The following FNDC3B variants were observed in gnomAD, a reference collection of about 807,000 sequenced individuals.
The protein encoded by FNDC3B is fibronectin type III domain-containing protein 3B.
A neutral mutation model predicts 151.5 loss-of-function variants in FNDC3B; 12 were observed. That is an observed-to-expected ratio of 0.08 (90% CI 0.05 to 0.13). FNDC3B has a LOEUF of 0.13. Ranked by LOEUF, FNDC3B falls within the 10% of genes least tolerant of loss-of-function variation. The pLI, the probability that FNDC3B is intolerant of heterozygous loss-of-function variation, is 1.00. For synonymous variants in FNDC3B, 528 were observed against 549.0 expected, an observed-to-expected ratio of 0.96 and a Z score of 0.54; for missense variants, 1,214 against 1,505.3, an observed-to-expected ratio of 0.81 and a Z score of 3.20.
rs555932249 is a variant in FNDC3B, at chr3:172,046,576, G to C, written c.-29+6805G>C. Among the ~76,000 whole-genome samples the C allele has an allele frequency of 3.9e-5, 6 of 152,088 alleles. No homozygotes were observed. In the East Asian group the frequency reaches 9.7e-4, roughly 24 times the overall value. ...GGCTTGAAGCAATCCCCCCGCTTCAGCCTCCCAAAATGTTGGGATTATAGG... is the reference window on the plus strand; with the variant it reads ...GGCTTGAAGCAATCCCCCCGCTTCACCCTCCCAAAATGTTGGGATTATAGG... On this transcript the variant is annotated intron_variant, in intron 1 of 25. Coordinates refer to ENST00000415807, the MANE Select transcript of FNDC3B (RefSeq NM_022763.4).
chr3:172,183,055 T>C (rs766997677), intron 3 of FNDC3B, among the ~76,000 whole-genome samples: 2 of 152,206 alleles, frequency 1.3e-5, no homozygotes, highest in African/African-American at 2.4e-5. Flanking sequence ...TTTCTAAAAA[T>C]AAGAAATAAG....
intron 25 of FNDC3B, among the ~76,000 whole-genome samples, chr3:172,396,365 G>A (rs1165090051): frequency 1.3e-5 from 2 of 152,098 alleles, no homozygotes; most frequent in East Asian, 1.9e-4. Flanking sequence ...GAGGGGATGC[G>A]TTTGTAATGT....
intron 24 of FNDC3B, among the ~76,000 whole-genome samples, chr3:172,379,242 G>T (rs1461050502): frequency 4.6e-5 from 7 of 152,238 alleles, no homozygotes; most frequent in Non-Finnish European, 1.0e-4. Context: ...TGTGGTTCTT[G>T]TGGAGGTCCC....
At chr3:172,063,352 C>A (rs956266301) in intron 1 of FNDC3B, among the ~76,000 whole-genome samples, 2 of 152,190 alleles carry the variant, frequency 1.3e-5, no homozygotes, top group African/African-American at 4.8e-5. Context: ...TACCCATTCT[C>A]CTCCCAACAG....
At chr3:172,223,398 T>C (rs1726388908) in intron 3 of FNDC3B, among the ~76,000 whole-genome samples, 1 of 152,250 alleles carries the variant, frequency 6.6e-6, no homozygotes, top group African/African-American at 2.4e-5. Flanking sequence ...TGAAATAGTT[T>C]TGATGACAGT....
At chr3:172,178,510 T>C (rs943857142) in intron 3 of FNDC3B, among the ~76,000 whole-genome samples, 1 of 152,226 alleles carries the variant, frequency 6.6e-6, no homozygotes, top group Non-Finnish European at 1.5e-5. Context: ...TTATGCTTTT[T>C]CTTTCCATAT....
chr3:172,326,693 G>A (rs990186626), intron 11 of FNDC3B, among the ~76,000 whole-genome samples: 2 of 152,054 alleles, frequency 1.3e-5, no homozygotes, highest in Non-Finnish European at 2.9e-5. Context: ...TGAGTGCTCT[G>A]GCTCTCTTAA....
chr3:172,244,225 T>C (rs191894376), intron 4 of FNDC3B, among the ~76,000 whole-genome samples: 1 of 152,374 alleles, frequency 6.6e-6, no homozygotes, highest in East Asian at 1.9e-4. Flanking sequence ...CATCTGCCTC[T>C]GGACATTCTC....
At chr3:172,280,059 C>T (rs1346467480) in intron 6 of FNDC3B, among the ~76,000 whole-genome samples, 1 of 152,134 alleles carries the variant, frequency 6.6e-6, no homozygotes, top group Non-Finnish European at 1.5e-5. Context: ...GGACTACAGG[C>T]ATGTGCCACC....
At chr3:172,336,794 T>G (rs1214387606) in intron 15 of FNDC3B, among the ~76,000 whole-genome samples, 2 of 151,158 alleles carry the variant, frequency 1.3e-5, no homozygotes, top group African/African-American at 4.9e-5. Flanking sequence ...TCCCAGCTAC[T>G]TGGGAGGCTG....
intron 2 of FNDC3B, among the ~76,000 whole-genome samples, chr3:172,128,849 A>C (rs1720929122): frequency 1.3e-5 from 2 of 152,176 alleles, no homozygotes; most frequent in South Asian, 2.1e-4. Flanking sequence ...AAACTCTAGA[A>C]GTGAAATGGG....
intron 3 of FNDC3B, among the ~76,000 whole-genome samples, chr3:172,206,353 A>G (rs756787616): frequency 6.6e-6 from 1 of 152,184 alleles, no homozygotes; most frequent in Non-Finnish European, 1.5e-5. Flanking sequence ...TTGGGATCCT[A>G]TCTCAAAGAA....
chr3:172,081,544 G>A (rs1346740896), intron 1 of FNDC3B, among the ~76,000 whole-genome samples: 8 of 152,084 alleles, frequency 5.3e-5, no homozygotes, highest in Admixed American at 5.2e-4. Flanking sequence ...ACATTTTACA[G>A]GATAAAACCT....
At chr3:172,246,034 T>C (rs1727757169) in intron 4 of FNDC3B, among the ~76,000 whole-genome samples, 1 of 152,208 alleles carries the variant, frequency 6.6e-6, no homozygotes, top group South Asian at 2.1e-4. Context: ...TCTTAAGCAC[T>C]ACTTTTAAAA....
chr3:172,202,876 T>C (rs1022141342), intron 3 of FNDC3B, among the ~76,000 whole-genome samples: 1 of 152,248 alleles, frequency 6.6e-6, no homozygotes, highest in Admixed American at 6.5e-5. Flanking sequence ...TTGCTGCGGG[T>C]GTGGCACACT....
chr3:172,379,868 C>T (rs1179017858), intron 24 of FNDC3B, among the ~76,000 whole-genome samples: 1 of 152,140 alleles, frequency 6.6e-6, no homozygotes, highest in Non-Finnish European at 1.5e-5. Context: ...ATTGATAGTG[C>T]TTGCATCTCC....
At chr3:172,348,403 T>A (rs1463856138) in intron 21 of FNDC3B, among the ~76,000 whole-genome samples, 1 of 152,242 alleles carries the variant, frequency 6.6e-6, no homozygotes, top group African/African-American at 2.4e-5. Context: ...TACACCTTTC[T>A]TGCTTCTCGA....
At chr3:172,276,526 A>G (rs1375549679) in intron 6 of FNDC3B, among the ~76,000 whole-genome samples, 1 of 152,212 alleles carries the variant, frequency 6.6e-6, no homozygotes, top group East Asian at 1.9e-4. Flanking sequence ...CTGTAATATA[A>G]TGATACATGC....
At chr3:172,066,441 G>A (rs891211465) in intron 1 of FNDC3B, among the ~76,000 whole-genome samples, 3 of 152,176 alleles carry the variant, frequency 2.0e-5, no homozygotes, top group Non-Finnish European at 4.4e-5. Context: ...CAATATCTAG[G>A]TAACTCCCTT....
Sources: gnomAD v4.1 joint callset for allele counts (sites outside exome capture counted in the v4.1 genomes callset) on GRCh38, gnomAD v4.1.1 for gene constraint, MANE v1.5 for transcripts, NCBI Gene and HGNC (gene_info 2026-07-23, HGNC 2026-07-21) for gene names.